The following GFM1 variants were observed in gnomAD, a reference collection of about 807,000 sequenced individuals.
GFM1 encodes G elongation factor mitochondrial 1, also known as elongation factor G, mitochondrial.
A neutral mutation model predicts 96.2 loss-of-function variants in GFM1; 62 were observed. The ratio of observed to expected loss-of-function variants is 0.64; its 90% CI spans 0.53 to 0.80. GFM1 has a LOEUF of 0.80. Among genes scored for constraint, GFM1 ranks in the 30% least tolerant of loss-of-function variants. GFM1 has a pLI of 0.00. For missense variants in GFM1, 852 were observed against 916.6 expected (o/e 0.93, Z 0.91); for synonymous variants, 282 against 312.9 (o/e 0.90, Z 1.04).
At chr3:158,662,440 T>C (rs1723268728) in intron 10 of GFM1, among the ~76,000 whole-genome samples, 188 bp from the exon 11 acceptor site, 1 of 152,198 alleles carries the variant, frequency 6.6e-6, no homozygotes, top group South Asian at 2.1e-4. Context: ...TTTATTTATT[T>C]ATTAATATGT....
At chr3:158,656,655 AT>A (rs1324838670) in intron 8 of GFM1, 1 of 152,234 alleles carries the variant, frequency 6.6e-6, no homozygotes, top group Non-Finnish European at 1.5e-5. Context: ...TACATAAGTT[AT>A]TTGGAATTCT....
At chr3:158,684,716 A>T (rs1312697605) in intron 15 of GFM1, 48 bp downstream of exon 15, 1 of 1,600,034 alleles carries the variant, frequency 6.2e-7, no homozygotes, top group East Asian at 2.2e-5. Flanking sequence ...CTGATAGATC[A>T]TCATAGCCTC....
intron 17 of GFM1, 22 bp downstream of exon 17, chr3:158,691,214 C>T (rs1726285337): frequency 1.9e-6 from 3 of 1,606,542 alleles, no homozygotes; most frequent in Non-Finnish European, 2.6e-6. Context: ...TAAACTTACC[C>T]TTCAAAAGAC....
intron 5 of GFM1, chr3:158,650,333 A>G (rs1722188801): frequency 2.6e-6 from 1 of 379,766 alleles, no homozygotes; most frequent in Non-Finnish European, 4.9e-6. Flanking sequence ...GTAACTGCCT[A>G]GTACATAATA....
intron 4 of GFM1, among the ~76,000 whole-genome samples, chr3:158,647,878 T>A (rs1302157094): frequency 6.6e-6 from 1 of 152,244 alleles, no homozygotes; most frequent in Admixed American, 6.5e-5. Context: ...TTCCATTTTG[T>A]AACTTCTATA....
chr3:158,676,711 T>TG (rs1184198975), intron 13 of GFM1, among the ~76,000 whole-genome samples: 1 of 151,574 alleles, frequency 6.6e-6, no homozygotes, highest in Non-Finnish European at 1.5e-5. Context: ...CTTTTTTTTT[T>TG]TTTTTGAGAC....
chr3:158,674,827 A>G (rs1263688997), intron 13 of GFM1, among the ~76,000 whole-genome samples: 2 of 152,328 alleles, frequency 1.3e-5, no homozygotes. Context: ...AATTTGAAAG[A>G]TGATTCATGA....
intron 8 of GFM1, among the ~76,000 whole-genome samples, chr3:158,658,258 C>T (rs1722928818): frequency 6.6e-6 from 1 of 150,630 alleles, no homozygotes; most frequent in Non-Finnish European, 1.5e-5. Flanking sequence ...CCTCCGCCTC[C>T]TGGGTTTAAG....
intron 13 of GFM1, chr3:158,669,311 GTAT>G (rs1724034703): frequency 3.3e-6 from 4 of 1,197,500 alleles, no homozygotes; most frequent in Admixed American, 2.9e-5. Context: ...TTAGAAATGA[GTAT>G]TTTTGCAAAA....
intron 8 of GFM1, among the ~76,000 whole-genome samples, chr3:158,658,680 A>G (rs1722958105): frequency 6.6e-6 from 1 of 152,220 alleles, no homozygotes; most frequent in South Asian, 2.1e-4. Flanking sequence ...CTAATGTAAT[A>G]GCTTATTTCA....
chr3:158,690,797 A>G (rs1438580662), intron 16 of GFM1, among the ~76,000 whole-genome samples: 1 of 152,200 alleles, frequency 6.6e-6, no homozygotes, highest in Non-Finnish European at 1.5e-5. Flanking sequence ...AGGTGTCCAA[A>G]GGAAAGTCGT....
At chr3:158,689,571 G>A (rs1726135362) in intron 15 of GFM1, among the ~76,000 whole-genome samples, 1 of 151,912 alleles carries the variant, frequency 6.6e-6, no homozygotes, top group Non-Finnish European at 1.5e-5. Flanking sequence ...GAAAGAATGG[G>A]TTTATCCAGC....
At chr3:158,647,067 A>G in intron 4 of GFM1, 120 bp downstream of exon 4, 1 of 825,160 alleles carries the variant, frequency 1.2e-6, no homozygotes, top group Non-Finnish European at 2.0e-6. Context: ...TTTTAAATAT[A>G]TTTATGTGAG....
At chr3:158,679,811 A>G (rs1032080523) in intron 13 of GFM1, among the ~76,000 whole-genome samples, 1 of 152,200 alleles carries the variant, frequency 6.6e-6, no homozygotes, top group African/African-American at 2.4e-5. Context: ...ACAAATTGCT[A>G]GTTAATATCT....
chr3:158,683,327 G>A lies in GFM1; in HGVS notation c.1764+1170G>A, dbSNP rs114604487. 7.8e-3 allele frequency among the ~76,000 whole-genome samples: 1,194 copies of A among 152,220 alleles called. 23 individuals are homozygous for A. Among genetic ancestry groups the A allele is most frequent in the African/African-American group, 0.027 (1,126 of 41,524 alleles). On this transcript the variant is annotated intron_variant, in intron 14 of 17. Coordinates refer to ENST00000486715, the MANE Select transcript of GFM1 (RefSeq NM_024996.7). Reference sequence around the variant, plus strand: ...TCAAGAAATATTTTGTGCTATCTGCGCAGCCATGTTATTGTGTTGCCAGGA... The same window carrying A: ...TCAAGAAATATTTTGTGCTATCTGCACAGCCATGTTATTGTGTTGCCAGGA...
At chr3:158,654,081 G>C (rs1722530984) in intron 7 of GFM1, among the ~76,000 whole-genome samples, 1 of 150,376 alleles carries the variant, frequency 6.6e-6, no homozygotes. Context: ...AAAAAAAAAA[G>C]AAACAAACTG....
chr3:158,693,983 GAT>G lies in GFM1; in HGVS notation c.*2519_*2520del, dbSNP rs1726462161. Among the ~76,000 whole-genome samples the G allele has an allele frequency of 6.6e-6, 1 of 151,894 alleles. No individual in the cohort carries two copies. The highest frequency in any genetic ancestry group is 2.4e-5 in the African/African-American group (1 of 41,384). ...AGTGTCATATTGTATTCTTTTGTGTGATATTAGAGTTTGGTTTTTTTGTTTAA... is the reference window on the plus strand; with the variant it reads ...AGTGTCATATTGTATTCTTTTGTGTGATTAGAGTTTGGTTTTTTTGTTTAA... On this transcript the variant is annotated 3_prime_UTR_variant, in exon 18 of 18. Transcript: ENST00000486715.
At chr3:158,665,619 TCC>T (rs1340925764) in intron 12 of GFM1, 145 bp downstream of exon 12, 4 of 707,560 alleles carry the variant, frequency 5.7e-6, no homozygotes, top group Non-Finnish European at 1.0e-5. Flanking sequence ...GTCTACTGCT[TCC>T]TCTACTATGT....
chr3:158,645,857 TA>T, intron 2 of GFM1, 76 bp downstream of exon 2: 1 of 1,305,694 alleles, frequency 7.7e-7, no homozygotes, highest in East Asian at 2.3e-5. Flanking sequence ...TAATAAAGCT[TA>T]TAAACCTGAA....
Sources: allele counts gnomAD v4.1 joint callset (sites outside exome capture counted in the v4.1 genomes callset), GRCh38; gene constraint gnomAD v4.1.1; transcripts MANE v1.5; gene names NCBI Gene and HGNC (gene_info 2026-07-23, HGNC 2026-07-21).